Variants in QTMAN observed in about 807,000 individuals in gnomAD.
QTMAN encodes tRNA-queuosine alpha-mannosyltransferase.
the QTMAN span, among the ~76,000 whole-genome samples, chr2:144,230,593 G>A: frequency 6.6e-6 from 1 of 152,114 alleles, no homozygotes; most frequent in Non-Finnish European, 1.5e-5. Flanking sequence ...CATATTGGCA[G>A]AGGCTGATGT....
the QTMAN span, among the ~76,000 whole-genome samples, chr2:144,005,296 T>C: frequency 3.3e-5 from 5 of 152,160 alleles, no homozygotes; most frequent in South Asian, 2.1e-4. Context: ...TCCTGACATA[T>C]TGAACAAATA....
the QTMAN span, among the ~76,000 whole-genome samples, chr2:144,235,923 G>A: frequency 1.3e-5 from 2 of 151,568 alleles, no homozygotes; most frequent in African/African-American, 4.9e-5. Context: ...ATTAATAAGA[G>A]ATTTTCAGTC....
At chr2:144,251,878 T>C in the QTMAN span, among the ~76,000 whole-genome samples, 65 of 152,192 alleles carry the variant, frequency 4.3e-4, no homozygotes, top group Middle Eastern at 0.01. Flanking sequence ...CTCTTAAAAC[T>C]CAATAATAAG....
chr2:144,021,880 C>T, the QTMAN span, among the ~76,000 whole-genome samples: 3,915 of 152,062 alleles, frequency 0.026, 66 homozygotes, highest in Non-Finnish European at 0.039. Flanking sequence ...TGTGCGTGTG[C>T]GTCCATGCTT....
chr2:144,001,150 CATTG>C, the QTMAN span, among the ~76,000 whole-genome samples: 4,665 of 152,012 alleles, frequency 0.031, 233 homozygotes, highest in African/African-American at 0.11. Context: ...GAAGACTAGT[CATTG>C]ATTGTGTTTT....
the QTMAN span, among the ~76,000 whole-genome samples, chr2:144,210,302 T>C: frequency 1.3e-5 from 2 of 152,116 alleles, no homozygotes; most frequent in Admixed American, 6.5e-5. Context: ...AAGATAAAAT[T>C]AGAAAATGCA....
chr2:144,291,918 C>T, the QTMAN span, among the ~76,000 whole-genome samples: 1 of 152,144 alleles, frequency 6.6e-6, no homozygotes, highest in South Asian at 2.1e-4. Flanking sequence ...TGGAAACATT[C>T]CTGAAATTTA....
chr2:144,263,536 A>C, the QTMAN span, among the ~76,000 whole-genome samples: 17 of 152,312 alleles, frequency 1.1e-4, no homozygotes, highest in East Asian at 3.1e-3. Flanking sequence ...AGCCTGGCCA[A>C]CATGGTGAAA....
At chr2:144,023,168 CAGA>C in the QTMAN span, among the ~76,000 whole-genome samples, 2 of 151,988 alleles carry the variant, frequency 1.3e-5, no homozygotes, top group Non-Finnish European at 2.9e-5. Context: ...CACATCAGAA[CAGA>C]AGGTTTTGTG....
the QTMAN span, among the ~76,000 whole-genome samples, chr2:144,003,780 A>G: frequency 6.6e-6 from 1 of 152,026 alleles, no homozygotes; most frequent in Non-Finnish European, 1.5e-5. Context: ...ATTTTGATAC[A>G]TATTCTAGCA....
the QTMAN span, among the ~76,000 whole-genome samples, chr2:144,056,592 G>C: frequency 1.3e-5 from 2 of 152,176 alleles, no homozygotes; most frequent in Non-Finnish European, 2.9e-5. Flanking sequence ...CTATATCCCA[G>C]AACAGGGCAT....
chr2:144,061,405 T>C, the QTMAN span, among the ~76,000 whole-genome samples: 1 of 152,224 alleles, frequency 6.6e-6, no homozygotes, highest in African/African-American at 2.4e-5. Context: ...CTTTATTAAT[T>C]AGATAGCATG....
chr2:144,103,759 C>T, the QTMAN span, among the ~76,000 whole-genome samples: 5 of 152,080 alleles, frequency 3.3e-5, no homozygotes, highest in East Asian at 7.7e-4. Flanking sequence ...TGTCACTGTC[C>T]AAAAATTCTA....
At chr2:143,991,647 G>A in the QTMAN span, among the ~76,000 whole-genome samples, 2 of 140,142 alleles carry the variant, frequency 1.4e-5, no homozygotes, top group Non-Finnish European at 3.1e-5. Context: ...GAAGTGAGGA[G>A]CCCCTCTGCC....
At chr2:143,979,239 G>C in the QTMAN span, among the ~76,000 whole-genome samples, 23 of 151,742 alleles carry the variant, frequency 1.5e-4, no homozygotes, top group Non-Finnish European at 2.8e-4. Context: ...GTGATCTTGA[G>C]AGTAATAGAA....
chr2:143,988,792 AC>A, the QTMAN span, among the ~76,000 whole-genome samples: 1 of 152,196 alleles, frequency 6.6e-6, no homozygotes, highest in Non-Finnish European at 1.5e-5. Flanking sequence ...CAACCTCCTT[AC>A]CCCTTGTAAA....
At chr2:144,223,079 A>G in the QTMAN span, among the ~76,000 whole-genome samples, 5 of 152,184 alleles carry the variant, frequency 3.3e-5, no homozygotes, top group Non-Finnish European at 7.3e-5. Flanking sequence ...ACTTTTTACA[A>G]TCTAAACAAC....
At chr2:144,325,975 T>C in the QTMAN span, among the ~76,000 whole-genome samples, 6 of 152,218 alleles carry the variant, frequency 3.9e-5, no homozygotes, top group Admixed American at 3.9e-4. Flanking sequence ...ATGACTTGCC[T>C]CAAAACAATA....
At chr2:144,177,611 T>C in the QTMAN span, among the ~76,000 whole-genome samples, 1 of 152,072 alleles carries the variant, frequency 6.6e-6, no homozygotes, top group Non-Finnish European at 1.5e-5. Flanking sequence ...CAAACTGGGA[T>C]CTAAGCAGGC....
Sources: gnomAD v4.1 joint callset for allele counts (sites outside exome capture counted in the v4.1 genomes callset) on GRCh38, gnomAD v4.1.1 for gene constraint, MANE v1.5 for transcripts, NCBI Gene and HGNC (gene_info 2026-07-23, HGNC 2026-07-21) for gene names.